TBC1D5: variants seen among roughly 807,000 people sequenced by gnomAD.
The protein encoded by TBC1D5 is TBC1 domain family, member 5.
Under a neutral mutation model 100.3 loss-of-function variants are expected in TBC1D5, and 75 were observed. The observed-to-expected ratio is 0.75, with a 90% confidence interval of 0.62 to 0.91. TBC1D5 has a LOEUF of 0.91. Among genes scored for constraint, TBC1D5 ranks in the 40% least tolerant of loss-of-function variants. The pLI is 0.00. For synonymous variants in TBC1D5, 323 were observed against 325.6 expected (o/e 0.99, Z 0.09); for missense variants, 910 against 942.4 (o/e 0.97, Z 0.45).
At chr3:17,545,261 C>A (rs749924314) in intron 2 of TBC1D5, among the ~76,000 whole-genome samples, 2 of 152,090 alleles carry the variant, frequency 1.3e-5, no homozygotes, top group Admixed American at 6.5e-5. Flanking sequence ...AACTTATTCC[C>A]TTATAAAATG....
At chr3:17,214,301 C>G (rs753360800) in exon 18 of TBC1D5, 7 of 1,612,936 alleles carry the variant, frequency 4.3e-6, no homozygotes, top group Admixed American at 1.7e-5. Context: ...AGGTGGAGAG[C>G]CAGTGAATTC....
At chr3:17,544,057 A>C (rs1216289212) in intron 2 of TBC1D5, among the ~76,000 whole-genome samples, 1 of 151,868 alleles carries the variant, frequency 6.6e-6, no homozygotes, top group Non-Finnish European at 1.5e-5. Flanking sequence ...TTTAGTAAAG[A>C]CAGGGTTTCA....
chr3:17,479,709 G>A (rs1433127485), intron 3 of TBC1D5, among the ~76,000 whole-genome samples: 1 of 152,150 alleles, frequency 6.6e-6, no homozygotes, highest in African/African-American at 2.4e-5. Flanking sequence ...ATGCTGTTAT[G>A]TACCTGTAGT....
intron 21 of TBC1D5, among the ~76,000 whole-genome samples, chr3:17,164,650 G>A (rs2125078222): frequency 6.6e-6 from 1 of 152,296 alleles, no homozygotes; most frequent in South Asian, 2.1e-4. Flanking sequence ...GGAGTGAGGA[G>A]GAAAACTTAG....
chr3:17,486,165 C>T (rs938474654), intron 3 of TBC1D5, among the ~76,000 whole-genome samples: 9 of 152,140 alleles, frequency 5.9e-5, no homozygotes, highest in African/African-American at 2.2e-4. Flanking sequence ...GGTTCATATC[C>T]TTTGCCCACT....
intron 18 of TBC1D5, among the ~76,000 whole-genome samples, chr3:17,201,258 C>T (rs578217174): frequency 3.9e-5 from 6 of 152,224 alleles, no homozygotes; most frequent in South Asian, 4.1e-4. Context: ...AAAAAAAACA[C>T]GGCCCCTTCT....
At chr3:17,401,445 A>G (rs1194871542) in intron 8 of TBC1D5, among the ~76,000 whole-genome samples, 1 of 151,930 alleles carries the variant, frequency 6.6e-6, no homozygotes, top group Non-Finnish European at 1.5e-5. Flanking sequence ...AGAAAAAAAC[A>G]GAAAATATAG....
intron 15 of TBC1D5, among the ~76,000 whole-genome samples, chr3:17,277,151 T>C (rs996158522): frequency 6.6e-6 from 1 of 152,244 alleles, no homozygotes; most frequent in Non-Finnish European, 1.5e-5. Flanking sequence ...ATCATTATAG[T>C]AGACATACAT....
chr3:17,466,905 T>G (rs2095310019), intron 3 of TBC1D5, among the ~76,000 whole-genome samples: 1 of 152,058 alleles, frequency 6.6e-6, no homozygotes, highest in Non-Finnish European at 1.5e-5. Flanking sequence ...TAAAAGTTTA[T>G]AATAAAAACA....
At chr3:17,630,578 C>A (rs1350109943) in intron 1 of TBC1D5, among the ~76,000 whole-genome samples, 1 of 152,170 alleles carries the variant, frequency 6.6e-6, no homozygotes, top group East Asian at 1.9e-4. Flanking sequence ...CATCTCTCCC[C>A]TTCTCTCCTC....
chr3:17,215,819 T>C (rs1005529099), intron 17 of TBC1D5, among the ~76,000 whole-genome samples: 6 of 152,156 alleles, frequency 3.9e-5, no homozygotes, highest in African/African-American at 1.2e-4. Context: ...AGATACTTTA[T>C]AGACTAACAT....
At chr3:17,669,303 T>C (rs2153776843) in intron 1 of TBC1D5, among the ~76,000 whole-genome samples, 1 of 152,232 alleles carries the variant, frequency 6.6e-6, no homozygotes, top group African/African-American at 2.4e-5. Flanking sequence ...TAAACCTCTT[T>C]CCCTTATAAA....
chr3:17,520,317 T>C (rs764329914), intron 2 of TBC1D5, among the ~76,000 whole-genome samples: 9 of 152,186 alleles, frequency 5.9e-5, no homozygotes, highest in Non-Finnish European at 1.2e-4. Flanking sequence ...TTGCTGTTAA[T>C]GCTAGCTAAT....
At chr3:17,321,928 A>G (rs1391676235) in intron 13 of TBC1D5, among the ~76,000 whole-genome samples, 1 of 152,232 alleles carries the variant, frequency 6.6e-6, no homozygotes, top group African/African-American at 2.4e-5. Flanking sequence ...TAACTGATTA[A>G]AGGTGAATAA....
chr3:17,693,231 T>C (rs923227404), intron 1 of TBC1D5, among the ~76,000 whole-genome samples: 12 of 152,252 alleles, frequency 7.9e-5, no homozygotes, highest in Non-Finnish European at 7.4e-5. Flanking sequence ...TTGGGACTGG[T>C]TGGACATTGG....
chr3:17,198,229 C>T (rs895454362), intron 18 of TBC1D5, among the ~76,000 whole-genome samples: 6 of 152,228 alleles, frequency 3.9e-5, no homozygotes, highest in Middle Eastern at 3.4e-3. Flanking sequence ...GGCTGGTGTT[C>T]CCTGTGTCTC....
chr3:17,161,067 G>A, exon 22 of TBC1D5: 2 of 1,614,238 alleles, frequency 1.2e-6, no homozygotes, highest in South Asian at 2.2e-5. Flanking sequence ...GGGCCCATCA[G>A]TGGATCTGAG....
chr3:17,342,885 T>C (rs1214850208), intron 13 of TBC1D5, among the ~76,000 whole-genome samples: 6 of 152,218 alleles, frequency 3.9e-5, no homozygotes, highest in East Asian at 1.9e-4. Flanking sequence ...TATATGTATA[T>C]ACTATTACCT....
intron 16 of TBC1D5, among the ~76,000 whole-genome samples, chr3:17,247,988 AT>A (rs201892029): frequency 0.086 from 12,095 of 141,066 alleles, 831 homozygotes; most frequent in East Asian, 0.21. Context: ...TCCTCCACTA[AT>A]TTTTTTTTTT....
Sources: gnomAD v4.1 joint callset for allele counts (sites outside exome capture counted in the v4.1 genomes callset) on GRCh38, gnomAD v4.1.1 for gene constraint, MANE v1.5 for transcripts, NCBI Gene and HGNC (gene_info 2026-07-23, HGNC 2026-07-21) for gene names.